Variants in PPP3CA observed in about 807,000 individuals in gnomAD.
PPP3CA encodes CAM-PRP catalytic subunit.
In PPP3CA, 14 loss-of-function variants were observed where a neutral mutation model predicts 66.5. That is an observed-to-expected ratio of 0.21 (90% confidence interval 0.14 to 0.33). The LOEUF is 0.33. Ranked by LOEUF, PPP3CA falls within the 10% of genes least tolerant of loss-of-function variation. The pLI is 1.00. For missense variants in PPP3CA, 317 were observed against 639.5 expected (o/e 0.50, Z 5.44); for synonymous variants, 232 against 226.2 (o/e 1.03, Z -0.23).
chr4:101,188,578 T>C (rs1025712575), intron 2 of PPP3CA, among the ~76,000 whole-genome samples: 2 of 152,170 alleles, frequency 1.3e-5, no homozygotes, highest in African/African-American at 4.8e-5. Flanking sequence ...TGTTATCTCT[T>C]TTAGATATGG....
At chr4:101,290,312 C>T (rs568666730) in intron 1 of PPP3CA, among the ~76,000 whole-genome samples, 1 of 152,302 alleles carries the variant, frequency 6.6e-6, no homozygotes, top group African/African-American at 2.4e-5. Flanking sequence ...TTCCTTTGGT[C>T]ACCCATTCCG....
intron 1 of PPP3CA, among the ~76,000 whole-genome samples, chr4:101,202,983 T>A (rs1019533645): frequency 6.6e-6 from 1 of 152,222 alleles, no homozygotes; most frequent in Non-Finnish European, 1.5e-5. Flanking sequence ...AATACCTCAT[T>A]TGAATGCTCA....
intron 2 of PPP3CA, among the ~76,000 whole-genome samples, chr4:101,162,735 A>C (rs2695219): frequency 0.55 from 82,934 of 151,838 alleles, 25,364 homozygotes; most frequent in African/African-American, 0.82. Flanking sequence ...ATACAGTTTA[A>C]AGTATCTTGC....
chr4:101,101,778 C>T (rs1353325679), intron 3 of PPP3CA, among the ~76,000 whole-genome samples: 1 of 152,132 alleles, frequency 6.6e-6, no homozygotes, highest in Admixed American at 6.6e-5. Flanking sequence ...TCCTTTCAGC[C>T]TCCTCCTAGT....
chr4:101,153,960 T>C (rs951369602), intron 2 of PPP3CA, among the ~76,000 whole-genome samples: 1 of 152,074 alleles, frequency 6.6e-6, no homozygotes, highest in East Asian at 1.9e-4. Flanking sequence ...ATGCATGGCC[T>C]TCTCTGCTGC....
intron 2 of PPP3CA, among the ~76,000 whole-genome samples, chr4:101,123,412 G>C (rs1304581657): frequency 6.6e-6 from 1 of 152,190 alleles, no homozygotes; most frequent in African/African-American, 2.4e-5. Context: ...GTTAGTCACA[G>C]AACAGTGGGA....
At chr4:101,295,280 C>CCTG (rs1728165494) in intron 1 of PPP3CA, among the ~76,000 whole-genome samples, 1 of 145,118 alleles carries the variant, frequency 6.9e-6, no homozygotes, top group Non-Finnish European at 1.5e-5. Context: ...CGCAGTCCGG[C>CCTG]CTGGGTGACA....
At chr4:101,098,245 G>A (rs979982657) in intron 5 of PPP3CA, 122 bp downstream of exon 5, 6 of 1,110,060 alleles carry the variant, frequency 5.4e-6, no homozygotes, top group Admixed American at 3.5e-5. Flanking sequence ...AGCGATTCAT[G>A]ACCACTTTAA....
chr4:101,249,739 C>G (rs941823517), intron 1 of PPP3CA, among the ~76,000 whole-genome samples: 8 of 152,052 alleles, frequency 5.3e-5, no homozygotes, highest in Middle Eastern at 6.3e-3. Context: ...AGGACAGAAA[C>G]CAACAACATT....
chr4:101,274,395 T>C (rs1727427372), intron 1 of PPP3CA, among the ~76,000 whole-genome samples: 1 of 152,170 alleles, frequency 6.6e-6, no homozygotes, highest in Non-Finnish European at 1.5e-5. Context: ...ACTCAATTAG[T>C]ATTGAAGGAT....
intron 1 of PPP3CA, among the ~76,000 whole-genome samples, chr4:101,227,499 A>G (rs1725820302): frequency 6.6e-6 from 1 of 151,790 alleles, no homozygotes; most frequent in Non-Finnish European, 1.5e-5. Context: ...TCATGTTTCA[A>G]TCACACTAGT....
chr4:101,314,913 T>G (rs542627315), intron 1 of PPP3CA, among the ~76,000 whole-genome samples: 1 of 152,322 alleles, frequency 6.6e-6, no homozygotes, highest in South Asian at 2.1e-4. Flanking sequence ...AACAACATAT[T>G]TCATTTGTAT....
chr4:101,030,988 T>A (rs1180503745), intron 12 of PPP3CA, among the ~76,000 whole-genome samples: 1 of 151,982 alleles, frequency 6.6e-6, no homozygotes, highest in Non-Finnish European at 1.5e-5. Flanking sequence ...GTTAAAATAA[T>A]TCCTAGCTGT....
At chr4:101,267,856 G>A (rs1013263393) in intron 1 of PPP3CA, among the ~76,000 whole-genome samples, 8 of 152,098 alleles carry the variant, frequency 5.3e-5, no homozygotes, top group Non-Finnish European at 8.8e-5. Flanking sequence ...TTATACTATC[G>A]ATACTATTGT....
chr4:101,154,555 A>G (rs931302572), intron 2 of PPP3CA, among the ~76,000 whole-genome samples: 8 of 152,222 alleles, frequency 5.3e-5, no homozygotes, highest in South Asian at 4.1e-4. Flanking sequence ...TCCAGAAGTA[A>G]TATTTAAATT....
intron 1 of PPP3CA, among the ~76,000 whole-genome samples, chr4:101,257,882 G>A (rs1488176218): frequency 3.9e-5 from 6 of 151,992 alleles, no homozygotes; most frequent in Admixed American, 2.0e-4. Flanking sequence ...TCCAAAACGT[G>A]ACCAAAAATA....
rs1398323723 is a variant in PPP3CA, at chr4:101,106,394, AAAGAAAG to A, written c.384+2553_384+2559del. Among the ~76,000 whole-genome samples the A allele has an allele frequency of 4.7e-3, 35 of 7,418 alleles. 3 individuals are homozygous for A. Among genetic ancestry groups the A allele is most frequent in the South Asian group, 7.8e-3 (1 of 128 alleles). 4.9% of individuals were successfully genotyped at this position (7,418 alleles called of 152,430 possible). On this transcript the variant is annotated intron_variant, in intron 3 of 13. Transcript: ENST00000394854. ...AGAGAAAAGAAAGAAAGAAAGAAAG[AAAGAAAG>A]AAAGAAAGAAAGAAAGAAAGAAAGA...
chr4:101,098,797 C>T (rs77807941), intron 4 of PPP3CA, among the ~76,000 whole-genome samples: 25,280 of 151,738 alleles, frequency 0.17, 2,926 homozygotes, highest in African/African-American at 0.32. Flanking sequence ...TATCTGCAGA[C>T]GTCTCACCAA....
intron 1 of PPP3CA, among the ~76,000 whole-genome samples, chr4:101,253,333 G>A (rs975207100): frequency 3.3e-5 from 5 of 152,072 alleles, no homozygotes; most frequent in Admixed American, 6.6e-5. Context: ...ACTTGGCACC[G>A]TTCCACCATC....
Sources: allele counts gnomAD v4.1 joint callset (sites outside exome capture counted in the v4.1 genomes callset), GRCh38; gene constraint gnomAD v4.1.1; transcripts MANE v1.5; gene names NCBI Gene and HGNC (gene_info 2026-07-23, HGNC 2026-07-21).